The following TTLL5 variants were observed in gnomAD, a reference collection of about 807,000 sequenced individuals.
The protein encoded by TTLL5 is tubulin polyglutamylase TTLL5.
A neutral mutation model predicts 168.4 loss-of-function variants in TTLL5; 132 were observed. The observed-to-expected ratio is 0.78, with a 90% confidence interval of 0.68 to 0.91. TTLL5 has a LOEUF of 0.91. Ranked by LOEUF, TTLL5 falls within the 40% of genes least tolerant of loss-of-function variation. TTLL5 has a pLI of 0.00. For synonymous variants in TTLL5, 546 were observed against 558.6 expected, an observed-to-expected ratio of 0.98 and a Z score of 0.32; for missense variants, 1,545 against 1,581.5, an observed-to-expected ratio of 0.98 and a Z score of 0.39.
At chr14:75,846,792 GAAAAAAA>G (rs5809732) in intron 28 of TTLL5, among the ~76,000 whole-genome samples, 1 of 99,224 alleles carries the variant, frequency 1.0e-5, no homozygotes, top group Non-Finnish European at 2.0e-5. Flanking sequence ...CTCCATCTCA[GAAAAAAA>G]AAAAAAAAAA....
At chr14:75,954,158 C>T (rs2140228826) in intron 31 of TTLL5, among the ~76,000 whole-genome samples, 1 of 146,128 alleles carries the variant, frequency 6.8e-6, no homozygotes, top group Middle Eastern at 3.6e-3. Context: ...GAGGCTGAGG[C>T]AGGAGAATGG....
At chr14:75,731,470 TAAG>T (rs1888542168) in intron 12 of TTLL5, among the ~76,000 whole-genome samples, 1 of 150,410 alleles carries the variant, frequency 6.6e-6, no homozygotes, top group African/African-American at 2.5e-5. Flanking sequence ...TCAGTAATAA[TAAG>T]AAGGGTTTCA....
rs1455334853 is a variant in TTLL5 at position 75,863,647 on chromosome 14, C to T, written c.3327-20C>T. 5 of 1,581,146 alleles carry T rather than the reference C, an allele frequency of 3.2e-6. No individual in the cohort carries two copies. The highest frequency in any genetic ancestry group is 3.7e-5 in the Admixed American group (2 of 54,594). The stretch of plus-strand genomic sequence containing the variant: ...CATACAGCCACTCACTCTAAGAAAC[C>T]TGCTTGCTTTTCTCTTCAGGAGCCT... On this transcript the variant is annotated intron_variant, in intron 28 of 31. Transcript: ENST00000298832.
intron 31 of TTLL5, among the ~76,000 whole-genome samples, chr14:75,950,188 T>C (rs888973727): frequency 6.6e-6 from 1 of 152,202 alleles, no homozygotes; most frequent in African/African-American, 2.4e-5. Context: ...TAGATTTCAA[T>C]AATAACGTTA....
intron 31 of TTLL5, among the ~76,000 whole-genome samples, chr14:75,939,925 A>G (rs2034546913): frequency 1.3e-5 from 2 of 152,154 alleles, no homozygotes. Context: ...ATGCCCCACC[A>G]AAGATTTTCT....
chr14:75,681,737 A>G, intron 4 of TTLL5, 110 bp downstream of exon 4: 5 of 866,268 alleles, frequency 5.8e-6, no homozygotes, highest in East Asian at 2.5e-5. Context: ...CATGGGACCA[A>G]TGCTTAGTGG....
At chr14:75,817,566 A>G (rs1161325016) in intron 27 of TTLL5, among the ~76,000 whole-genome samples, 1 of 152,112 alleles carries the variant, frequency 6.6e-6, no homozygotes. Context: ...GCTAAAAATG[A>G]CCTTTTTTCT....
chr14:75,773,957 A>AGAGAAAGAGAGAAAGAGAG (rs1891536422), intron 21 of TTLL5, among the ~76,000 whole-genome samples: 1 of 43,384 alleles, frequency 2.3e-5, no homozygotes, highest in African/African-American at 8.1e-5. Context: ...GAGAGAGAGA[A>AGAGAAAGAGAGAAAGAGAG]AGAGAGAGAG....
chr14:75,881,032 G>T (rs1328618523), intron 29 of TTLL5, among the ~76,000 whole-genome samples: 5 of 152,134 alleles, frequency 3.3e-5, no homozygotes, highest in African/African-American at 9.7e-5. Context: ...TCCCACCTCA[G>T]CCTCTTGGGT....
chr14:75,926,066 G>C (rs1017508407), intron 31 of TTLL5, among the ~76,000 whole-genome samples: 1 of 149,678 alleles, frequency 6.7e-6, no homozygotes, highest in Non-Finnish European at 1.5e-5. Context: ...GAGACCGTGG[G>C]CCGTGGGCCG....
chr14:75,779,612 C>T lies in TTLL5; in HGVS notation c.2425C>T (p.Gln809Ter). The part of the protein sequence containing the change: ...ELEEVLTFYT[Q>*]KNKSASVFLG... ...GGAGGAGGTGTTGACTTTTTATACC[C>T]AAAAGAACAAGTCTGCTAGTGTCTT... The change falls in exon 24 of 32, where the codon CAA becomes TAA. Residue 809 changes from glutamine to a stop codon, truncating the protein, a stop_gained. Coordinates refer to ENST00000298832, the MANE Select transcript of TTLL5 (RefSeq NM_015072.5). LOFTEE classifies it high-confidence loss of function. 1.2e-6 allele frequency: 2 copies of T among 1,613,464 alleles called. No individual in the cohort carries two copies. Among genetic ancestry groups the T allele is most frequent in the South Asian group, 2.2e-5 (2 of 90,932 alleles).
chr14:75,935,387 T>C (rs759183297), intron 31 of TTLL5, among the ~76,000 whole-genome samples: 2 of 152,248 alleles, frequency 1.3e-5, no homozygotes, highest in Non-Finnish European at 2.9e-5. Context: ...ATTTAGCTCC[T>C]GCTTCATTGG....
intron 15 of TTLL5, chr14:75,744,351 A>G (rs1036657383): frequency 2.0e-5 from 3 of 152,240 alleles, no homozygotes; most frequent in Non-Finnish European, 2.9e-5. Context: ...CATAAAATCA[A>G]AATCACTTAA....
intron 3 of TTLL5, among the ~76,000 whole-genome samples, chr14:75,673,822 T>C (rs1883935450): frequency 6.6e-6 from 1 of 152,206 alleles, no homozygotes; most frequent in Non-Finnish European, 1.5e-5. Context: ...CCTTGTGTTC[T>C]AGTCACCTCA....
Position 75,663,211 on chromosome 14 carries a change from T to G in TTLL5, c.62T>G (p.Val21Gly), listed in dbSNP as rs1490249206. The stretch of plus-strand genomic sequence containing the variant: ...GCATCATCCTCAGAGGATGAGGAGG[T>G]CATAAGTCAAGAGTAAGTAATAGCA... ...ETASSSEDEE[V>G]ISQEDHPCIM... The change falls in exon 2 of 32, where the codon GTC becomes GGC. Residue 21 changes from valine to glycine, a missense_variant. Val to Gly is a moderately radical substitution (Grantham distance 109, BLOSUM62 -3). Transcript: ENST00000298832. 1 of 1,612,658 alleles carries G rather than the reference T, an allele frequency of 6.2e-7. No homozygotes were observed. Among genetic ancestry groups the G allele is most frequent in the East Asian group, 2.2e-5 (1 of 44,880 alleles).
intron 28 of TTLL5, among the ~76,000 whole-genome samples, chr14:75,843,442 C>T (rs1896361383): frequency 6.6e-6 from 1 of 152,230 alleles, no homozygotes; most frequent in Non-Finnish European, 1.5e-5. Flanking sequence ...GTTCCTGGTT[C>T]AGCTGGATCT....
In TTLL5 at chr14:75,857,381, T is replaced by TAGA. The variant is rs148699738; in HGVS notation, c.3327-6286_3327-6285insAGA. Reference sequence around the variant, plus strand: ...CTAGTGTATTTGATTGGTTGGTTGATTAGATAGATAGATAGATAGATAGAT... The same window carrying TAGA: ...CTAGTGTATTTGATTGGTTGGTTGATAGATAGATAGATAGATAGATAGATAGAT... On this transcript the variant is annotated intron_variant, in intron 28 of 31. Transcript: ENST00000298832. 2.0e-5 allele frequency among the ~76,000 whole-genome samples: 3 copies of TAGA among 149,774 alleles called. No homozygotes were observed. The East Asian group carries it at 5.9e-4, about 30-fold the overall frequency.
intron 3 of TTLL5, among the ~76,000 whole-genome samples, chr14:75,680,433 A>G (rs1047638714): frequency 1.3e-5 from 2 of 152,124 alleles, no homozygotes; most frequent in Admixed American, 6.5e-5. Flanking sequence ...AGAGTTGTAT[A>G]CGAATTCTTT....
rs1232008656 is a variant in TTLL5 at position 75,766,175 on chromosome 14, G to A, written c.1822G>A (p.Ala608Thr). 1 of 1,613,938 alleles carries A rather than the reference G, an allele frequency of 6.2e-7. No homozygotes were observed. Among genetic ancestry groups the A allele is most frequent in the African/African-American group, 1.3e-5 (1 of 74,920 alleles). ...ACAGGAGGCTTCCCAGGAGGAGTCT[G>A]CAGGATTTCTTAGAGAAAATCAAGC... Reference protein sequence around the residue: ...EEQEASQEESAGFLRENQAKY... With the variant: ...EEQEASQEESTGFLRENQAKY... The change falls in exon 20 of 32, where the codon GCA (alanine) becomes ACA (threonine). Residue 608 changes from alanine to threonine, a missense_variant. By Grantham distance (58) the Ala-to-Thr change is moderately conservative. Coordinates refer to ENST00000298832, the MANE Select transcript of TTLL5 (RefSeq NM_015072.5).
Sources: gnomAD v4.1 joint callset for allele counts (sites outside exome capture counted in the v4.1 genomes callset) on GRCh38, gnomAD v4.1.1 for gene constraint, MANE v1.5 for transcripts, NCBI Gene and HGNC (gene_info 2026-07-23, HGNC 2026-07-21) for gene names.